The following BRMS1L variants were observed in gnomAD, a reference collection of about 807,000 sequenced individuals.
The protein encoded by BRMS1L is BRMS1 like transcriptional repressor, also known as breast cancer metastasis-suppressor 1-like protein.
Under a neutral mutation model 50.3 loss-of-function variants are expected in BRMS1L, and 23 were observed. The observed-to-expected ratio is 0.46, with a 90% CI of 0.33 to 0.65. The LOEUF is 0.65. Among genes scored for constraint, BRMS1L ranks in the 30% least tolerant of loss-of-function variants. The pLI is 0.02. For missense variants in BRMS1L, 286 were observed against 386.1 expected (o/e 0.74, Z 2.17); for synonymous variants, 114 against 126.9 (o/e 0.90, Z 0.69).
chr14:35,831,524 A>G, intron 2 of BRMS1L, 24 bp downstream of exon 2: 1 of 1,543,396 alleles, frequency 6.5e-7, no homozygotes, highest in Non-Finnish European at 9.0e-7. Context: ...TTAGAAGGCC[A>G]TTGTCACTGA....
chr14:35,856,233 G>A (rs1376609120), intron 4 of BRMS1L, among the ~76,000 whole-genome samples: 1 of 152,210 alleles, frequency 6.6e-6, no homozygotes, highest in Non-Finnish European at 1.5e-5. Context: ...AGAGGCAGCA[G>A]ATGGTTTGTA....
At chr14:35,868,649 G>A (rs572951989) in intron 9 of BRMS1L, among the ~76,000 whole-genome samples, 2 of 152,172 alleles carry the variant, frequency 1.3e-5, no homozygotes, top group South Asian at 4.1e-4. Context: ...AGGTGTGGAG[G>A]TGTGTGCTTA....
chr14:35,865,846 G>T, intron 8 of BRMS1L, 85 bp downstream of exon 8: 2 of 1,189,420 alleles, frequency 1.7e-6, no homozygotes, highest in South Asian at 2.7e-5. Flanking sequence ...AAGAACTCTT[G>T]AATCAGTGGT....
intron 4 of BRMS1L, among the ~76,000 whole-genome samples, chr14:35,839,947 C>T (rs573530175): frequency 1.8e-4 from 28 of 152,162 alleles, no homozygotes; most frequent in Non-Finnish European, 3.2e-4. Flanking sequence ...TGTCTTGTGC[C>T]GGTTTTCAAA....
chr14:35,859,530 A>G (rs1383513570), intron 4 of BRMS1L, among the ~76,000 whole-genome samples: 1 of 151,992 alleles, frequency 6.6e-6, no homozygotes, highest in East Asian at 1.9e-4. Context: ...TACTTTTAGG[A>G]TCTTCTCTTT....
rs542381901 is a variant in BRMS1L, at chr14:35,826,417, C to T, written c.-100C>T. 2 of 1,525,008 alleles carry T rather than the reference C, an allele frequency of 1.3e-6. No homozygotes were observed. Among genetic ancestry groups the T allele is most frequent in the Non-Finnish European group, 1.8e-6 (2 of 1,133,604 alleles). The allele number at this position is 1,525,008 out of a possible 1,614,324, so 94.5% of individuals were successfully genotyped here. ...GGGAGGAGCCAAGGGGGCGAGCAAGCTCGGTGGCTGGGTGGGTTGGGGCGT... is the reference window on the plus strand; with the variant it reads ...GGGAGGAGCCAAGGGGGCGAGCAAGTTCGGTGGCTGGGTGGGTTGGGGCGT... On this transcript the variant is annotated 5_prime_UTR_variant, in exon 1 of 10. Coordinates refer to ENST00000216807, the MANE Select transcript of BRMS1L (RefSeq NM_032352.4).
intron 4 of BRMS1L, among the ~76,000 whole-genome samples, chr14:35,854,354 A>G (rs897186723): frequency 7.9e-5 from 12 of 152,182 alleles, no homozygotes; most frequent in Non-Finnish European, 7.3e-5. Context: ...ATTTTCTCTT[A>G]AAGTTTTTAG....
chr14:35,858,823 C>A (rs1324443764), intron 4 of BRMS1L: 1 of 152,148 alleles, frequency 6.6e-6, no homozygotes. Flanking sequence ...GTCCTCATAA[C>A]CTGGTACCCA....
At chr14:35,834,273 C>T (rs1239681392) in intron 3 of BRMS1L, among the ~76,000 whole-genome samples, 1 of 152,078 alleles carries the variant, frequency 6.6e-6, no homozygotes, top group Non-Finnish European at 1.5e-5. Context: ...TACTATTGTC[C>T]TGTTAGGGTC....
intron 4 of BRMS1L, among the ~76,000 whole-genome samples, chr14:35,861,656 A>T (rs1306954286): frequency 6.6e-6 from 1 of 152,148 alleles, no homozygotes; most frequent in Non-Finnish European, 1.5e-5. Flanking sequence ...TTTCCCTGAC[A>T]CTCAGGAAAC....
At chr14:35,830,730 T>C (rs1443693520) in intron 1 of BRMS1L, among the ~76,000 whole-genome samples, 1 of 152,198 alleles carries the variant, frequency 6.6e-6, no homozygotes, top group Non-Finnish European at 1.5e-5. Flanking sequence ...AAAAATGTTT[T>C]TGAGCAATGT....
At chr14:35,867,413 C>G (rs1257626042) in intron 8 of BRMS1L, among the ~76,000 whole-genome samples, 1 of 152,048 alleles carries the variant, frequency 6.6e-6, no homozygotes, top group Admixed American at 6.6e-5. Context: ...AGTTATCTGA[C>G]TAATGCCAGA....
At chr14:35,858,065 G>A (rs2078304903) in intron 4 of BRMS1L, among the ~76,000 whole-genome samples, 2 of 149,188 alleles carry the variant, frequency 1.3e-5, no homozygotes, top group Admixed American at 1.3e-4. Context: ...ACTGTATGAA[G>A]ATTTAAACTC....
chr14:35,834,929 G>C lies in BRMS1L; in HGVS notation c.441+6G>C. The C allele has an allele frequency of 6.3e-7, 1 of 1,578,408 alleles. No individual in the cohort carries two copies. Among genetic ancestry groups the C allele is most frequent in the Non-Finnish European group, 8.6e-7 (1 of 1,163,150 alleles). ...CTTCTCGCCAGCATTGTGAGGTACT[G>C]TCATTTTGCATAACTTTTAAGCTAA... is the stretch of plus-strand genomic sequence containing the variant. On this transcript the variant is annotated splice_donor_region_variant and intron_variant, in intron 4 of 9. Coordinates refer to ENST00000216807, the MANE Select transcript of BRMS1L (RefSeq NM_032352.4).
At chr14:35,865,699 C>CTT (rs78231905) in intron 7 of BRMS1L, 23 bp from the exon 8 acceptor site, 1,402 of 1,403,604 alleles carry the variant, frequency 1.0e-3, no homozygotes, top group African/African-American at 2.8e-3. Context: ...CTTTCTTCCT[C>CTT]TTTTTTTTTT....
chr14:35,831,616 A>G (rs913390921), intron 2 of BRMS1L, 116 bp downstream of exon 2: 13 of 715,500 alleles, frequency 1.8e-5, no homozygotes, highest in Admixed American at 7.9e-5. Flanking sequence ...CGACAGACCA[A>G]TTTGAAAGAG....
intron 1 of BRMS1L, chr14:35,829,941 A>G (rs1038995892): frequency 6.2e-6 from 5 of 802,624 alleles, no homozygotes; most frequent in Non-Finnish European, 7.7e-6. Flanking sequence ...AAAAGTTTGT[A>G]TTTTCCTCCT....
intron 3 of BRMS1L, 64 bp from the exon 4 acceptor site, chr14:35,834,780 G>A: frequency 1.7e-6 from 2 of 1,167,696 alleles, no homozygotes; most frequent in Non-Finnish European, 1.2e-6. Flanking sequence ...CAGAATTCCT[G>A]TAGGGAAGTG....
At chr14:35,864,043 C>G in intron 6 of BRMS1L, 90 bp downstream of exon 6, 1 of 959,348 alleles carries the variant, frequency 1.0e-6, no homozygotes, top group Non-Finnish European at 1.6e-6. Flanking sequence ...TAAACACTGA[C>G]TTTATTTGCA....
Sources: allele counts gnomAD v4.1 joint callset (sites outside exome capture counted in the v4.1 genomes callset), GRCh38; gene constraint gnomAD v4.1.1; transcripts MANE v1.5; gene names NCBI Gene and HGNC (gene_info 2026-07-23, HGNC 2026-07-21).